MSI2: variants seen among roughly 807,000 people sequenced by gnomAD.
MSI2 encodes musashi RNA binding protein 2, also known as RNA-binding protein Musashi homolog 2.
In MSI2, 17 loss-of-function variants were observed where a neutral mutation model predicts 45.6. The ratio of observed to expected loss-of-function variants is 0.37; its 90% CI spans 0.26 to 0.56. MSI2 has a LOEUF of 0.56. MSI2 is among the 20% of genes least tolerant of loss of function. The pLI is 0.77. For missense variants in MSI2, 293 were observed against 444.2 expected, an observed-to-expected ratio of 0.66 and a Z score of 3.06; for synonymous variants, 156 against 158.2, an observed-to-expected ratio of 0.99 and a Z score of 0.11.
Position 57,652,454 on chromosome 17 carries a change from G to C in MSI2, c.790+293G>C, listed in dbSNP as rs992341683. Among the ~76,000 whole-genome samples the C allele has an allele frequency of 6.6e-6, 1 of 151,660 alleles. No homozygotes were observed. The highest frequency in any genetic ancestry group is 2.4e-5 in the African/African-American group (1 of 41,238). On this transcript the variant is annotated intron_variant, in intron 11 of 13. Transcript: ENST00000284073. This position sits in a 1 kb window ranked among gnomAD's most constrained non-coding sequence, Gnocchi z 4.1. ...GTTTCTTTTTGACTTTGACCATCCC[G>C]TCACCTGACAGCTAGCTTCGGGTAC... is the stretch of plus-strand genomic sequence containing the variant.
At chr17:57,344,974 A>G (rs1011702602) in intron 5 of MSI2, among the ~76,000 whole-genome samples, 20 of 152,128 alleles carry the variant, frequency 1.3e-4, no homozygotes, top group African/African-American at 4.6e-4. Context: ...GAGGCAGGAA[A>G]ATCACTTGAA....
At chr17:57,408,802 G>C (rs2084133568) in intron 6 of MSI2, among the ~76,000 whole-genome samples, 1 of 152,178 alleles carries the variant, frequency 6.6e-6, no homozygotes, top group South Asian at 2.1e-4. Context: ...TTCTTATGGA[G>C]GAGAAAGCGC....
chr17:57,481,996 T>G (rs956250104), intron 6 of MSI2, among the ~76,000 whole-genome samples: 2 of 152,214 alleles, frequency 1.3e-5, no homozygotes, highest in Non-Finnish European at 2.9e-5. Flanking sequence ...CACCTCAAGA[T>G]GGAGGCGAGT....
At chr17:57,318,797 G>A (rs1913082931) in intron 5 of MSI2, among the ~76,000 whole-genome samples, 1 of 152,194 alleles carries the variant, frequency 6.6e-6, no homozygotes, top group Non-Finnish European at 1.5e-5. Context: ...CCTGTTAAGT[G>A]CAAAGAAGAT....
intron 10 of MSI2, chr17:57,632,260 G>GAC: frequency 2.8e-6 from 3 of 1,082,798 alleles, no homozygotes; most frequent in Non-Finnish European, 3.4e-6. Flanking sequence ...GCAGATACGT[G>GAC]ACTTGGAGCA....
intron 6 of MSI2, among the ~76,000 whole-genome samples, chr17:57,490,522 G>T (rs1338352793): frequency 6.6e-6 from 1 of 152,184 alleles, no homozygotes; most frequent in Admixed American, 6.5e-5. Context: ...GCCCTCTGTT[G>T]TCCAGGAAGG....
chr17:57,260,127 T>C (rs1189396931), intron 4 of MSI2: 2 of 152,162 alleles, frequency 1.3e-5, no homozygotes, highest in African/African-American at 4.8e-5. Flanking sequence ...TAAGTAGAGC[T>C]GTACCTAACT....
chr17:57,288,064 TG>T (rs1165894622), intron 5 of MSI2, among the ~76,000 whole-genome samples: 3 of 152,150 alleles, frequency 2.0e-5, no homozygotes, highest in African/African-American at 4.8e-5. Context: ...CAATGTGGTA[TG>T]GTAGATAGGC....
chr17:57,643,314 G>A (rs1283345687), intron 10 of MSI2, among the ~76,000 whole-genome samples: 1 of 152,238 alleles, frequency 6.6e-6, no homozygotes, highest in Non-Finnish European at 1.5e-5. Flanking sequence ...AAGACACCAC[G>A]TTCTGTTGTG....
intron 7 of MSI2, among the ~76,000 whole-genome samples, chr17:57,543,108 T>A (rs552833194): frequency 1.3e-5 from 2 of 152,148 alleles, no homozygotes; most frequent in African/African-American, 4.8e-5. Context: ...CTTCCTTTGC[T>A]CTAACAAAAC....
At chr17:57,440,488 G>T (rs1449554839) in intron 6 of MSI2, among the ~76,000 whole-genome samples, 1 of 135,812 alleles carries the variant, frequency 7.4e-6, no homozygotes, top group Non-Finnish European at 1.5e-5. Context: ...GGTCAGACTG[G>T]ATTCCTTGTT....
chr17:57,304,052 G>A (rs1911652069), intron 5 of MSI2, among the ~76,000 whole-genome samples: 1 of 152,118 alleles, frequency 6.6e-6, no homozygotes, highest in Admixed American at 6.5e-5. Context: ...AAAATAGTTG[G>A]GAGCCATATT....
chr17:57,513,510 C>T (rs780896435), intron 6 of MSI2, among the ~76,000 whole-genome samples: 9 of 152,212 alleles, frequency 5.9e-5, no homozygotes, highest in Non-Finnish European at 8.8e-5. Flanking sequence ...TTTGTGGACA[C>T]ATGGGTCATT....
the MSI2 span, among the ~76,000 whole-genome samples, chr17:57,695,925 A>G: frequency 7.9e-3 from 1,198 of 152,204 alleles, 20 homozygotes; most frequent in African/African-American, 0.027. Flanking sequence ...GTGGTGAGAG[A>G]GAGAGAGCTC....
intron 7 of MSI2, among the ~76,000 whole-genome samples, chr17:57,580,283 C>G (rs865866372): frequency 5.3e-5 from 8 of 152,232 alleles, no homozygotes; most frequent in Admixed American, 3.9e-4. Context: ...CTCCTGCCCC[C>G]ACCAAACCAA....
At chr17:57,345,169 A>G (rs912949729) in intron 5 of MSI2, among the ~76,000 whole-genome samples, 2 of 152,182 alleles carry the variant, frequency 1.3e-5, no homozygotes, top group Non-Finnish European at 2.9e-5. Context: ...GCATAGTTCA[A>G]CCGTGTGTTC....
At chr17:57,583,212 C>G (rs984145148) in intron 7 of MSI2, among the ~76,000 whole-genome samples, 2 of 152,192 alleles carry the variant, frequency 1.3e-5, no homozygotes, top group African/African-American at 4.8e-5. Flanking sequence ...TTTCTTAAAG[C>G]CAGATCGCAT....
At chr17:57,288,408 A>G (rs1376937559) in intron 5 of MSI2, among the ~76,000 whole-genome samples, 1 of 152,128 alleles carries the variant, frequency 6.6e-6, no homozygotes, top group Non-Finnish European at 1.5e-5. Flanking sequence ...CCAGGCCCTG[A>G]AAGGTTAGTT....
At chr17:57,427,478 G>A (rs2084515500) in intron 6 of MSI2, among the ~76,000 whole-genome samples, 1 of 152,106 alleles carries the variant, frequency 6.6e-6, no homozygotes, top group South Asian at 2.1e-4. Flanking sequence ...GGGATGTGGG[G>A]AAACCAGCCT....
Sources: gnomAD v4.1 joint callset for allele counts (sites outside exome capture counted in the v4.1 genomes callset) on GRCh38, gnomAD v4.1.1 for gene constraint, Gnocchi (gnomAD v3.1) non-coding constraint, MANE v1.5 for transcripts, NCBI Gene and HGNC (gene_info 2026-07-23, HGNC 2026-07-21) for gene names.